The following PHACTR1 variants were observed in gnomAD, a reference collection of about 807,000 sequenced individuals.
The protein encoded by PHACTR1 is RPEL repeat containing 1.
A neutral mutation model predicts 69.2 loss-of-function variants in PHACTR1; 16 were observed. That is an observed-to-expected ratio of 0.23 (90% CI 0.16 to 0.35). The LOEUF (loss-of-function observed/expected upper bound fraction) is 0.35, where lower values mean the gene tolerates loss of function less well. Among genes scored for constraint, PHACTR1 ranks in the 10% least tolerant of loss-of-function variants. The pLI, the probability that PHACTR1 is intolerant of heterozygous loss-of-function variation, is 1.00. For synonymous variants in PHACTR1, 312 were observed against 284.5 expected (o/e 1.10, Z -0.97); for missense variants, 510 against 734.7 (o/e 0.69, Z 3.54).
chr6:12,979,743 A>C (rs182139978), intron 4 of PHACTR1, among the ~76,000 whole-genome samples: 17 of 151,022 alleles, frequency 1.1e-4, no homozygotes, highest in South Asian at 2.1e-4. Context: ...AAAAAAAAAA[A>C]CCCCACACAA....
intron 4 of PHACTR1, among the ~76,000 whole-genome samples, chr6:12,783,936 A>G (rs979721603): frequency 6.6e-6 from 1 of 152,186 alleles, no homozygotes; most frequent in African/African-American, 2.4e-5. Flanking sequence ...TGCTTGGTAG[A>G]CACATGCACT....
intron 4 of PHACTR1, among the ~76,000 whole-genome samples, chr6:12,758,148 T>C (rs905167111): frequency 1.3e-5 from 2 of 151,562 alleles, no homozygotes; most frequent in Non-Finnish European, 2.9e-5. Context: ...AGTCACAGGT[T>C]AAAAATGAGG....
rs1207816611 is a variant in PHACTR1 at position 13,182,533 on chromosome 6, A to G, written c.511A>G (p.Ile171Val). Reference protein sequence around the residue: ...EIYDKDGELSISNEEDSLENG... With the variant: ...EIYDKDGELSVSNEEDSLENG... ...CTCTCTGACAGATGGGGAACTCTCT[A>G]TATCCAATGAAGAGGACTCCCTAGA... is the stretch of plus-strand genomic sequence containing the variant. Residue 171 changes from isoleucine to valine, a missense_variant, in exon 7 of 15, where the codon ATA becomes GTA. Ile to Val is a conservative substitution (Grantham distance 29). Coordinates refer to ENST00000332995, the MANE Select transcript of PHACTR1 (RefSeq NM_030948.6). 2 of 1,613,910 alleles carry G rather than the reference A, an allele frequency of 1.2e-6. No homozygotes were observed. The highest frequency in any genetic ancestry group is 1.7e-5 in the Admixed American group (1 of 60,028).
At chr6:13,140,850 T>C (rs966087864) in intron 5 of PHACTR1, among the ~76,000 whole-genome samples, 6 of 152,222 alleles carry the variant, frequency 3.9e-5, no homozygotes, top group Middle Eastern at 3.2e-3. Flanking sequence ...AGTTTTGATA[T>C]AATGCATGAC....
At chr6:13,154,591 C>T (rs1215274991) in intron 5 of PHACTR1, among the ~76,000 whole-genome samples, 2 of 152,110 alleles carry the variant, frequency 1.3e-5, no homozygotes, top group Non-Finnish European at 2.9e-5. Context: ...GCTTTTCCAG[C>T]ACCTCTAGAA....
chr6:13,154,133 A>C (rs1361801690), intron 5 of PHACTR1, among the ~76,000 whole-genome samples: 1 of 151,312 alleles, frequency 6.6e-6, no homozygotes, highest in Non-Finnish European at 1.5e-5. Context: ...TCGTGTGGAC[A>C]CTTGGATTTT....
chr6:13,175,640 C>T (rs540845021), intron 6 of PHACTR1, among the ~76,000 whole-genome samples: 11 of 152,206 alleles, frequency 7.2e-5, no homozygotes, highest in Non-Finnish European at 1.5e-4. Context: ...CTGTCAGTGC[C>T]TCCTTCGATT....
chr6:13,269,031 A>G (rs1046588798), intron 10 of PHACTR1, among the ~76,000 whole-genome samples: 4 of 152,210 alleles, frequency 2.6e-5, no homozygotes, highest in Non-Finnish European at 5.9e-5. Flanking sequence ...GCCAGTTGTC[A>G]TGTTCACTAA....
chr6:13,147,242 T>C (rs1478436860), intron 5 of PHACTR1, among the ~76,000 whole-genome samples: 1 of 152,252 alleles, frequency 6.6e-6, no homozygotes, highest in Non-Finnish European at 1.5e-5. Flanking sequence ...CTGATATTTA[T>C]TCTGTTCGAA....
intron 4 of PHACTR1, among the ~76,000 whole-genome samples, chr6:12,781,153 C>T (rs781288303): frequency 3.3e-5 from 5 of 152,176 alleles, no homozygotes; most frequent in Non-Finnish European, 4.4e-5. Context: ...TCAATAAATT[C>T]TTTAAGTGGT....
intron 5 of PHACTR1, among the ~76,000 whole-genome samples, chr6:13,123,435 C>T (rs775147833): frequency 9.9e-5 from 15 of 152,194 alleles, no homozygotes; most frequent in Non-Finnish European, 2.1e-4. Context: ...GGCCCTTTCT[C>T]TCACCCAGGT....
In PHACTR1 at chr6:12,750,021, G is replaced by A. The variant is rs886410740; in HGVS notation, c.250+231G>A. Among the ~76,000 whole-genome samples, 8 of 152,310 alleles carry A rather than the reference G, an allele frequency of 5.3e-5. 1 individual carries two copies. The highest frequency in any genetic ancestry group is 1.9e-4 in the African/African-American group (8 of 41,586). ...CCCGAGTCCCACGCGGGCTTCCCCG[G>A]CACGGGGAGGAGGAAGTGCTGTCAG... On this transcript the variant is annotated intron_variant, in intron 4 of 14. Coordinates refer to ENST00000332995, the MANE Select transcript of PHACTR1 (RefSeq NM_030948.6).
chr6:12,846,118 T>C (rs1779233767), intron 4 of PHACTR1, among the ~76,000 whole-genome samples: 1 of 152,164 alleles, frequency 6.6e-6, no homozygotes. Context: ...ACACATAACA[T>C]GAAGACTTTC....
chr6:13,080,090 C>T (rs1811137945), intron 5 of PHACTR1, among the ~76,000 whole-genome samples: 1 of 152,188 alleles, frequency 6.6e-6, no homozygotes, highest in African/African-American at 2.4e-5. Context: ...AAGAAACATG[C>T]CACATAGGAC....
At chr6:13,197,187 T>C (rs1183758306) in intron 7 of PHACTR1, among the ~76,000 whole-genome samples, 2 of 152,236 alleles carry the variant, frequency 1.3e-5, no homozygotes, top group African/African-American at 4.8e-5. Flanking sequence ...TCTCCTCTGA[T>C]GCATCAAGGA....
intron 5 of PHACTR1, among the ~76,000 whole-genome samples, chr6:13,120,019 G>A (rs137883396): frequency 5.3e-5 from 8 of 152,218 alleles, no homozygotes; most frequent in East Asian, 1.9e-4. Context: ...GATGAAATAC[G>A]TGGTGAAGGG....
At chr6:13,247,675 G>A (rs1197995293) in intron 10 of PHACTR1, among the ~76,000 whole-genome samples, 1 of 152,118 alleles carries the variant, frequency 6.6e-6, no homozygotes, top group Non-Finnish European at 1.5e-5. Context: ...TGCCAAGACA[G>A]ATAATTGCAT....
At chr6:13,236,095 T>A (rs1161883591) in intron 10 of PHACTR1, among the ~76,000 whole-genome samples, 1 of 151,970 alleles carries the variant, frequency 6.6e-6, no homozygotes, top group Non-Finnish European at 1.5e-5. Context: ...ATGGGCATTT[T>A]TTTTTTTTTG....
chr6:13,158,994 C>T (rs944772510), intron 5 of PHACTR1, among the ~76,000 whole-genome samples: 21 of 152,190 alleles, frequency 1.4e-4, no homozygotes, highest in African/African-American at 5.1e-4. Context: ...CCGGAGACTG[C>T]GCCAGCTGCT....
Sources: allele counts gnomAD v4.1 joint callset (sites outside exome capture counted in the v4.1 genomes callset), GRCh38; gene constraint gnomAD v4.1.1; transcripts MANE v1.5; gene names NCBI Gene and HGNC (gene_info 2026-07-23, HGNC 2026-07-21).